The following TCF25 variants were observed in gnomAD, a reference collection of about 807,000 sequenced individuals.
TCF25 encodes the protein TCF25 ribosome quality control complex subunit, also known as ribosome quality control complex subunit TCF25.
A neutral mutation model predicts 83.1 loss-of-function variants in TCF25; 41 were observed. The ratio of observed to expected loss-of-function variants is 0.49; its 90% confidence interval spans 0.38 to 0.64. TCF25 has a LOEUF of 0.64. Ranked by LOEUF, TCF25 falls within the 30% of genes least tolerant of loss-of-function variation. TCF25 has a pLI of 0.00. For synonymous variants in TCF25, 458 were observed against 365.0 expected, an observed-to-expected ratio of 1.25 and a Z score of -2.90; for missense variants, 979 against 914.5, an observed-to-expected ratio of 1.07 and a Z score of -0.91.
chr16:89,894,880 A>AG, intron 7 of TCF25, 158 bp from the exon 8 acceptor site: 1 of 546,760 alleles, frequency 1.8e-6, no homozygotes, highest in Non-Finnish European at 3.2e-6. Context: ...CCTGATATCA[A>AG]GTGATCCTCC....
intron 12 of TCF25, among the ~76,000 whole-genome samples, chr16:89,901,580 C>A (rs1003446003): frequency 6.8e-5 from 8 of 118,146 alleles, no homozygotes; most frequent in African/African-American, 2.5e-4. Context: ...CACGTCTCTA[C>A]TAAAAATACA....
chr16:89,908,623 C>G (rs1597394718), intron 16 of TCF25, among the ~76,000 whole-genome samples: 1 of 125,746 alleles, frequency 8.0e-6, no homozygotes, highest in Non-Finnish European at 1.7e-5. Flanking sequence ...CTCCCACCTC[C>G]CAGCTCCCAC....
chr16:89,883,456 G>A lies in TCF25; in HGVS notation c.298G>A (p.Gly100Arg). 1 of 1,613,932 alleles carries A rather than the reference G, an allele frequency of 6.2e-7. No homozygotes were observed. Among genetic ancestry groups the A allele is most frequent in the East Asian group, 2.2e-5 (1 of 44,886 alleles). ...AGGGAACAAAGGAAGGGGTCAGCGT[G>A]GAAACACAGAGAGCAAGACGGATGG... ...APGNKGRGQR[G>R]NTESKTDGDD... is the part of the protein sequence containing the mutation. Residue 100 changes from glycine to arginine, a missense_variant, in exon 2 of 18, where the codon GGA becomes AGA. By Grantham distance (125) the Gly-to-Arg change is moderately radical (BLOSUM62 -2). Transcript: ENST00000263346.
intron 1 of TCF25, among the ~76,000 whole-genome samples, chr16:89,874,395 G>T (rs1251722388): frequency 6.6e-6 from 1 of 152,138 alleles, no homozygotes; most frequent in Non-Finnish European, 1.5e-5. Context: ...CGGCGTAGGG[G>T]CAGGAGTCGG....
chr16:89,891,537 C>G (rs2043427168), intron 5 of TCF25, among the ~76,000 whole-genome samples: 1 of 152,200 alleles, frequency 6.6e-6, no homozygotes, highest in African/African-American at 2.4e-5. Flanking sequence ...CCTGTGTGCT[C>G]AGGCAGAGTG....
chr16:89,901,561 C>T (rs370167150), intron 12 of TCF25, among the ~76,000 whole-genome samples: 1,519 of 125,406 alleles, frequency 0.012, 22 homozygotes, highest in African/African-American at 0.042. Flanking sequence ...CTGACTAACA[C>T]GGTGAAACCA....
At chr16:89,902,571 C>T (rs1397982264) in intron 12 of TCF25, among the ~76,000 whole-genome samples, 2 of 148,180 alleles carry the variant, frequency 1.3e-5, no homozygotes, top group Non-Finnish European at 3.0e-5. Context: ...CACCTGTAGT[C>T]CCAGCTACTT....
In TCF25 at chr16:89,911,068, C is replaced by T. The variant is rs1470640255; in HGVS notation, c.1873-12C>T. ...AGACAGCCCCCTTCTCAGACATGTC[C>T]CCTTGCTGCAGGGGGAGAGGCCCGA... On this transcript the variant is annotated splice_polypyrimidine_tract_variant and intron_variant, in intron 17 of 17. Transcript: ENST00000263346. 4 of 1,610,448 alleles carry T rather than the reference C, an allele frequency of 2.5e-6. No homozygotes were observed. The Admixed American group carries it at 5.0e-5, about 20-fold the overall frequency.
In TCF25 at chr16:89,873,976, T is replaced by A. The variant is rs1165391267; in HGVS notation, c.192+117T>A. 3.4e-5 allele frequency: 36 copies of A among 1,050,124 alleles called. 1 individual carries two copies. The Admixed American group carries it at 5.9e-4, about 17-fold the overall frequency. 65.1% of individuals were successfully genotyped at this position (1,050,124 alleles called of 1,614,324 possible). ...GATGCCAGGGGTGGGAAGGGTGACGTGGGTCCCAGCCGCAGTGGGGAGGGC... is the reference window on the plus strand; with the variant it reads ...GATGCCAGGGGTGGGAAGGGTGACGAGGGTCCCAGCCGCAGTGGGGAGGGC... On this transcript the variant is annotated intron_variant, in intron 1 of 17. Transcript: ENST00000263346.
intron 4 of TCF25, 44 bp from the exon 5 acceptor site, chr16:89,887,608 G>T (rs1597305415): frequency 6.5e-7 from 1 of 1,543,714 alleles, no homozygotes; most frequent in South Asian, 1.2e-5. Context: ...AATCGTCTTA[G>T]AACATAATTT....
chr16:89,879,285 G>A (rs1236603291), intron 1 of TCF25, among the ~76,000 whole-genome samples: 6 of 145,724 alleles, frequency 4.1e-5, no homozygotes, highest in Admixed American at 1.4e-4. Context: ...CGTGTTGTCC[G>A]TGTACACAGA....
intron 1 of TCF25, among the ~76,000 whole-genome samples, chr16:89,882,640 G>A (rs2042695759): frequency 6.6e-6 from 1 of 152,210 alleles, no homozygotes; most frequent in African/African-American, 2.4e-5. Flanking sequence ...AGGCTGGAGG[G>A]TAGTGGTGCG....
chr16:89,880,177 G>T (rs1014403493), intron 1 of TCF25, among the ~76,000 whole-genome samples: 2 of 152,246 alleles, frequency 1.3e-5, no homozygotes, highest in African/African-American at 4.8e-5. Flanking sequence ...GTGTACACAG[G>T]CTCCTTTCCA....
At chr16:89,906,407 A>G in intron 15 of TCF25, 123 bp downstream of exon 15, 2 of 905,754 alleles carry the variant, frequency 2.2e-6, no homozygotes, top group South Asian at 2.9e-5. Context: ...CAGCCCCGCC[A>G]CGGCAGGGGC....
chr16:89,883,438 A>G lies in TCF25; in HGVS notation c.280A>G (p.Lys94Glu), dbSNP rs2143997146. The G allele has an allele frequency of 6.2e-7, 1 of 1,613,968 alleles. No homozygotes were observed. The highest frequency in any genetic ancestry group is 1.3e-5 in the African/African-American group (1 of 74,982). ...ALTDAVAPGN[K>E]GRGQRGNTES... Reference sequence around the variant, plus strand: ...CACAGACGCTGTGGCACCAGGGAACAAAGGAAGGGGTCAGCGTGGAAACAC... The same window carrying G: ...CACAGACGCTGTGGCACCAGGGAACGAAGGAAGGGGTCAGCGTGGAAACAC... Residue 94 changes from lysine (K) to glutamate (E), a missense_variant, in exon 2 of 18, where the codon AAA becomes GAA. By Grantham distance (56) the Lys-to-Glu change is moderately conservative (BLOSUM62 1). Transcript: ENST00000263346.
Position 89,887,633 on chromosome 16 carries a change from A to G in TCF25, c.549-19A>G. On this transcript the variant is annotated intron_variant, in intron 4 of 17. Transcript: ENST00000263346. Reference sequence around the variant, plus strand: ...GAACATAATTTCATGTTTTTTTTCTACAATTTTCAATTCCCCAGACACTTG... The same window carrying G: ...GAACATAATTTCATGTTTTTTTTCTGCAATTTTCAATTCCCCAGACACTTG... 1.3e-6 allele frequency: 2 copies of G among 1,571,586 alleles called. No homozygotes were observed. Among genetic ancestry groups the G allele is most frequent in the Non-Finnish European group, 1.7e-6 (2 of 1,165,306 alleles).
rs1025960009 is a variant in TCF25, at chr16:89,878,391, G to C, written c.192+4532G>C. ...ACCTGAGGTCAGGAGTTCGAGACCA[G>C]CCTGGCCGACATGGTGAAACTCCGT... is the stretch of plus-strand genomic sequence containing the variant. On this transcript the variant is annotated intron_variant, in intron 1 of 17. Coordinates refer to ENST00000263346, the MANE Select transcript of TCF25 (RefSeq NM_014972.3). 27 of 1,197,524 alleles carry C rather than the reference G, an allele frequency of 2.3e-5. No individual in the cohort carries two copies. In the South Asian group the frequency reaches 4.0e-4, roughly 18 times the overall value. 74.2% of individuals were successfully genotyped at this position (1,197,524 alleles called of 1,614,324 possible).
At chr16:89,883,547 C>A (rs536152299) in intron 2 of TCF25, 35 bp downstream of exon 2, 2 of 1,555,842 alleles carry the variant, frequency 1.3e-6, no homozygotes, top group South Asian at 2.3e-5. Context: ...TGGCATCAGA[C>A]GGGAGAGTTC....
intron 12 of TCF25, among the ~76,000 whole-genome samples, chr16:89,901,476 TG>T (rs1260047865): frequency 1.4e-5 from 2 of 143,076 alleles, no homozygotes; most frequent in Non-Finnish European, 3.1e-5. Context: ...CCGGGCGCGG[TG>T]GCTCACGCCT....
Sources: gnomAD v4.1 joint callset for allele counts (sites outside exome capture counted in the v4.1 genomes callset) on GRCh38, gnomAD v4.1.1 for gene constraint, MANE v1.5 for transcripts, NCBI Gene and HGNC (gene_info 2026-07-23, HGNC 2026-07-21) for gene names.